The following DNAH3 variants were observed in gnomAD, a reference collection of about 807,000 sequenced individuals.
DNAH3 encodes axonemal beta dynein heavy chain 3.
DNAH3 carries 332 observed loss-of-function variants against 432.5 expected under a neutral mutation model. The ratio of observed to expected loss-of-function variants is 0.77; its 90% confidence interval spans 0.70 to 0.84. The LOEUF is 0.84. Ranked by LOEUF, DNAH3 falls within the 40% of genes least tolerant of loss-of-function variation. DNAH3 has a pLI of 0.00. For missense variants in DNAH3, 4,861 were observed against 5,114.0 expected (o/e 0.95, Z 1.51); for synonymous variants, 1,956 against 1,900.2 (o/e 1.03, Z -0.76).
chr16:20,940,952 T>G (rs539613759), intron 59 of DNAH3, among the ~76,000 whole-genome samples: 1 of 152,118 alleles, frequency 6.6e-6, no homozygotes, highest in East Asian at 1.9e-4. Context: ...AATAAAAAAA[T>G]TAGCCAGCAT....
chr16:20,938,534 A>T (rs2083680728), intron 59 of DNAH3, among the ~76,000 whole-genome samples: 1 of 152,134 alleles, frequency 6.6e-6, no homozygotes, highest in African/African-American at 2.4e-5. Context: ...CTATTCTTGC[A>T]ACTATGAGCT....
rs550180589 is a variant in DNAH3 at position 20,938,209 on chromosome 16, T to G, written c.11655-1356A>C. Among the ~76,000 whole-genome samples the G allele has an allele frequency of 2.1e-4, 32 of 152,164 alleles. No homozygotes were observed. In the South Asian group the frequency reaches 6.6e-3, roughly 32 times the overall value. On this transcript the variant is annotated intron_variant, in intron 59 of 61. Transcript: ENST00000261383. ...GAGTTTGAGACCAGCCTGGCCAACA[T>G]GGTTAAACCCCGTCTGTACTAAAAA...
chr16:20,987,659 G>T (rs746492677), intron 46 of DNAH3, 34 bp downstream of exon 46: 1 of 1,608,084 alleles, frequency 6.2e-7, no homozygotes, highest in African/African-American at 1.3e-5. Context: ...AGGATATGCT[G>T]AATGATCTTG....
chr16:21,140,525 C>T lies in DNAH3; in HGVS notation c.696+11G>A, dbSNP rs760716880. 7.4e-6 allele frequency: 12 copies of T among 1,611,294 alleles called. No homozygotes were observed. The South Asian group carries it at 1.3e-4, about 18-fold the overall frequency. On this transcript the variant is annotated intron_variant, in intron 5 of 61. Transcript: ENST00000261383. Reference sequence around the variant, plus strand: ...CAGCAAACCGAGGGAAAGGGGGCAACAGGAACGTACCTCCAGGTCCGATTC... The same window carrying T: ...CAGCAAACCGAGGGAAAGGGGGCAATAGGAACGTACCTCCAGGTCCGATTC...
In DNAH3 at chr16:20,969,791, C is replaced by T. The variant is rs766867158; in HGVS notation, c.8458+1G>A. ...AGGCATCTGGGTGGGGTGGCACTTA[C>T]CGGAGCCACTGGGGTCTGGCTTCCT... On this transcript the variant is annotated splice_donor_variant, in intron 52 of 61. Coordinates refer to ENST00000261383, the Ensembl canonical transcript of DNAH3. LOFTEE classifies it high-confidence loss of function. 6.2e-7 allele frequency: 1 copy of T among 1,613,980 alleles called. No homozygotes were observed. Among genetic ancestry groups the T allele is most frequent in the African/African-American group, 1.3e-5 (1 of 74,934 alleles).
intron 61 of DNAH3, among the ~76,000 whole-genome samples, chr16:20,935,123 G>A (rs1277709503): frequency 6.6e-6 from 1 of 152,134 alleles, no homozygotes; most frequent in Non-Finnish European, 1.5e-5. Context: ...GACGGAATCT[G>A]GAAAGATTCC....
intron 41 of DNAH3, among the ~76,000 whole-genome samples, chr16:21,018,885 A>G (rs946089199): frequency 6.8e-6 from 1 of 146,560 alleles, no homozygotes; most frequent in African/African-American, 2.5e-5. Context: ...AGAGAGCAAC[A>G]CTCTATCTCA....
At chr16:21,020,367 TAA>T (rs1366301910) in intron 40 of DNAH3, among the ~76,000 whole-genome samples, 16 of 81,514 alleles carry the variant, frequency 2.0e-4, no homozygotes, top group African/African-American at 7.2e-4. Flanking sequence ...TATATATATA[TAA>T]AATCACTATA....
intron 6 of DNAH3, 131 bp downstream of exon 7, chr16:21,136,193 T>C: frequency 1.2e-6 from 1 of 831,842 alleles, no homozygotes; most frequent in Non-Finnish European, 1.9e-6. Flanking sequence ...GAGGGAGGAT[T>C]GCTTGAGCCC....
rs1488949894 is a variant in DNAH3 at position 21,070,698 on chromosome 16, A to C, written c.3201+12T>G. On this transcript the variant is annotated intron_variant, in intron 22 of 61. Coordinates refer to ENST00000261383, the Ensembl canonical transcript of DNAH3. ...GAAACACCTCAAAGCATTCAACTTC[A>C]TTTCCTCTTACCCGGCATTCTGCTT... is the stretch of plus-strand genomic sequence containing the variant. The C allele has an allele frequency of 1.9e-6, 3 of 1,576,072 alleles. No individual in the cohort carries two copies. The African/African-American group carries it at 4.1e-5, about 21-fold the overall frequency.
At chr16:21,068,914 A>G (rs2090672963) in intron 23 of DNAH3, among the ~76,000 whole-genome samples, 1 of 150,482 alleles carries the variant, frequency 6.6e-6, no homozygotes, top group Non-Finnish European at 1.5e-5. Flanking sequence ...ACATATTTGT[A>G]TTTGCTTTTT....
intron 23 of DNAH3, among the ~76,000 whole-genome samples, chr16:21,068,334 G>C (rs1334137549): frequency 8.3e-6 from 1 of 120,602 alleles, no homozygotes; most frequent in Admixed American, 9.1e-5. Flanking sequence ...GTGGGGGGGG[G>C]GACAGAGTCT....
At chr16:21,105,972 G>A (rs1825680499) in intron 15 of DNAH3, among the ~76,000 whole-genome samples, 1 of 151,368 alleles carries the variant, frequency 6.6e-6, no homozygotes, top group East Asian at 2.0e-4. Flanking sequence ...ATGAGGTCAA[G>A]AGATAGAGAC....
exon 58 of DNAH3, chr16:20,944,572 T>C: frequency 6.2e-7 from 1 of 1,614,192 alleles, no homozygotes; most frequent in Non-Finnish European, 8.5e-7. Context: ...GTTGGTTTCC[T>C]GGTTGTCTTT....
At chr16:20,952,258 TTTTG>T (rs1177615651) in intron 56 of DNAH3, among the ~76,000 whole-genome samples, 171 bp downstream of exon 56, 1 of 152,194 alleles carries the variant, frequency 6.6e-6, no homozygotes, top group African/African-American at 2.4e-5. Context: ...TCTTAATTTT[TTTTG>T]TTTGTTTGTT....
chr16:20,996,160 G>A (rs1193995001), intron 44 of DNAH3, among the ~76,000 whole-genome samples: 1 of 152,184 alleles, frequency 6.6e-6, no homozygotes, highest in Non-Finnish European at 1.5e-5. Flanking sequence ...CTTTGTGGCT[G>A]CCATTTCCCT....
intron 1 of DNAH3, among the ~76,000 whole-genome samples, chr16:21,158,946 CG>C (rs767534981): frequency 2.3e-4 from 35 of 152,072 alleles, no homozygotes; most frequent in Non-Finnish European, 4.1e-4. Flanking sequence ...TGGGAGCGCA[CG>C]AGGAGACACG....
intron 19 of DNAH3, among the ~76,000 whole-genome samples, chr16:21,085,700 C>T (rs547359830): frequency 2.0e-4 from 31 of 152,108 alleles, no homozygotes; most frequent in African/African-American, 7.5e-4. Flanking sequence ...GAGAGTCTTC[C>T]TCTCTCTTCC....
At position 21,040,890 on chromosome 16, in the gene DNAH3, AGAG is replaced by A. The variant is rs527368425; in HGVS notation, c.4639-950_4639-948del. Among the ~76,000 whole-genome samples, 35 of 152,318 alleles carry A rather than the reference AGAG, an allele frequency of 2.3e-4. No individual in the cohort carries two copies. The East Asian group carries it at 5.0e-3, about 22-fold the overall frequency. On this transcript the variant is annotated intron_variant, in intron 32 of 61. Coordinates refer to ENST00000261383, the Ensembl canonical transcript of DNAH3. ...CTATTGCATTATTATCTTAGATCTT[AGAG>A]GAGAAGTAACTTGCCTGAGTCACCC...
Sources: allele counts gnomAD v4.1 joint callset (sites outside exome capture counted in the v4.1 genomes callset), GRCh38; gene constraint gnomAD v4.1.1; transcripts MANE v1.5; gene names NCBI Gene and HGNC (gene_info 2026-07-23, HGNC 2026-07-21).